ADIPOR2: variants seen among roughly 807,000 people sequenced by gnomAD.
The protein encoded by ADIPOR2 is adiponectin receptor 2.
Under a neutral mutation model 40.9 loss-of-function variants are expected in ADIPOR2, and 18 were observed. The observed-to-expected ratio is 0.44, with a 90% CI of 0.30 to 0.65. ADIPOR2 has a LOEUF of 0.65. Ranked by LOEUF, ADIPOR2 falls within the 30% of genes least tolerant of loss-of-function variation. The probability of loss-of-function intolerance (pLI) is 0.09; values close to 1 mark genes in which losing one functional copy is unlikely to be tolerated. For missense variants in ADIPOR2, 283 were observed against 479.2 expected (o/e 0.59, Z 3.82); for synonymous variants, 165 against 166.4 (o/e 0.99, Z 0.06).
intron 1 of ADIPOR2, among the ~76,000 whole-genome samples, chr12:1,698,206 TTGTGTGTGTGTG>T (rs35927419): frequency 7.4e-5 from 11 of 148,212 alleles, no homozygotes; most frequent in South Asian, 2.2e-4. Context: ...TCTTGGCTGA[TTGTGTGTGTGTG>T]TGTGTGTGTG....
intron 1 of ADIPOR2, among the ~76,000 whole-genome samples, chr12:1,722,222 A>G (rs933945219): frequency 1.3e-5 from 2 of 152,204 alleles, no homozygotes; most frequent in East Asian, 1.9e-4. Context: ...GATTGAATCA[A>G]CAGGACTTGC....
At chr12:1,709,735 C>T (rs1456359530) in intron 1 of ADIPOR2, among the ~76,000 whole-genome samples, 1 of 151,962 alleles carries the variant, frequency 6.6e-6, no homozygotes, top group Non-Finnish European at 1.5e-5. Context: ...GTAAAATATT[C>T]AATTTTATAT....
At chr12:1,758,298 C>G (rs1405146530) in intron 2 of ADIPOR2, among the ~76,000 whole-genome samples, 2 of 152,076 alleles carry the variant, frequency 1.3e-5, no homozygotes, top group Admixed American at 1.3e-4. Flanking sequence ...TGAGCTAATG[C>G]AAAAGTTAGC....
chr12:1,732,599 T>C (rs938655426), intron 1 of ADIPOR2, among the ~76,000 whole-genome samples: 2 of 152,252 alleles, frequency 1.3e-5, no homozygotes, highest in South Asian at 4.1e-4. Context: ...TTGGCAGTTA[T>C]GAATAAAGCT....
intron 2 of ADIPOR2, 41 bp downstream of exon 2, chr12:1,754,555 T>G (rs919679295): frequency 7.1e-6 from 11 of 1,559,736 alleles, no homozygotes; most frequent in Non-Finnish European, 9.6e-6. Flanking sequence ...GGAAAAAATG[T>G]GGAGGAAGTG....
chr12:1,752,401 G>T (rs996099796), intron 1 of ADIPOR2, among the ~76,000 whole-genome samples: 3 of 151,944 alleles, frequency 2.0e-5, no homozygotes, highest in African/African-American at 7.3e-5. Flanking sequence ...GCCTAGCCTA[G>T]TGTGGTGATA....
rs571395703 is a variant in ADIPOR2, at chr12:1,725,207, C to T, written c.-86-29051C>T. On this transcript the variant is annotated intron_variant, in intron 1 of 7. Coordinates refer to ENST00000357103, the MANE Select transcript of ADIPOR2 (RefSeq NM_024551.3). ...CGCGATCTTGGCTCACTGCAGCCTC[C>T]GCCTCCTGGGTTCAAGTGATTCTCC... Among the ~76,000 whole-genome samples, 9 of 151,998 alleles carry T rather than the reference C, an allele frequency of 5.9e-5. No individual in the cohort carries two copies. The East Asian group carries it at 1.4e-3, about 23-fold the overall frequency.
At chr12:1,749,570 T>C (rs1389222705) in intron 1 of ADIPOR2, among the ~76,000 whole-genome samples, 2 of 152,224 alleles carry the variant, frequency 1.3e-5, no homozygotes. Context: ...TCTGTTACTC[T>C]ATGTGTGTAT....
intron 1 of ADIPOR2, among the ~76,000 whole-genome samples, chr12:1,706,347 A>G (rs2094662486): frequency 6.6e-6 from 1 of 152,202 alleles, no homozygotes; most frequent in Non-Finnish European, 1.5e-5. Context: ...TTTTATGGTA[A>G]TAAGCAATAT....
intron 1 of ADIPOR2, among the ~76,000 whole-genome samples, chr12:1,728,684 A>G (rs534876147): frequency 6.6e-6 from 1 of 152,134 alleles, no homozygotes; most frequent in East Asian, 2.0e-4. Context: ...AGATGGCGCC[A>G]TTGCACTCTA....
At chr12:1,777,371 ATTTTTTCTTTCTT>A (rs996627841) in intron 3 of ADIPOR2, among the ~76,000 whole-genome samples, 4 of 111,786 alleles carry the variant, frequency 3.6e-5, no homozygotes, top group Non-Finnish European at 3.8e-5. Context: ...TTAAAAGTAT[ATTTTTTCTTTCTT>A]TTTTTTTTTT....
chr12:1,742,309 T>C (rs1432268750), intron 1 of ADIPOR2, among the ~76,000 whole-genome samples: 2 of 152,204 alleles, frequency 1.3e-5, no homozygotes, highest in African/African-American at 4.8e-5. Flanking sequence ...CCCAGGCTGG[T>C]CTTGAACTCC....
chr12:1,779,200 C>G (rs1257553546), intron 4 of ADIPOR2, among the ~76,000 whole-genome samples: 1 of 152,132 alleles, frequency 6.6e-6, no homozygotes, highest in Non-Finnish European at 1.5e-5. Context: ...AAAACATGTT[C>G]ACATAAAAAC....
At chr12:1,779,452 A>C (rs1862669578) in intron 4 of ADIPOR2, among the ~76,000 whole-genome samples, 1 of 152,228 alleles carries the variant, frequency 6.6e-6, no homozygotes, top group Admixed American at 6.5e-5. Context: ...TACATGCATG[A>C]AATGTCCAGA....
At chr12:1,693,025 C>T (rs963928470) in intron 1 of ADIPOR2, among the ~76,000 whole-genome samples, 1 of 152,030 alleles carries the variant, frequency 6.6e-6, no homozygotes, top group African/African-American at 2.4e-5. Context: ...TGTGGTGGCG[C>T]ACTCTTGTTA....
At chr12:1,721,859 A>G (rs913657721) in intron 1 of ADIPOR2, among the ~76,000 whole-genome samples, 1 of 152,192 alleles carries the variant, frequency 6.6e-6, no homozygotes, top group Non-Finnish European at 1.5e-5. Flanking sequence ...CTCTTGGAGT[A>G]TTTAAGGAGC....
chr12:1,722,668 A>T (rs369135401), intron 1 of ADIPOR2, among the ~76,000 whole-genome samples: 11 of 152,356 alleles, frequency 7.2e-5, no homozygotes, highest in African/African-American at 2.6e-4. Flanking sequence ...TGTGACCACA[A>T]GTAAGGCCCA....
intron 1 of ADIPOR2, among the ~76,000 whole-genome samples, chr12:1,749,835 T>TA (rs1338934533): frequency 1.4e-5 from 1 of 73,766 alleles, no homozygotes; most frequent in African/African-American, 3.7e-5. Flanking sequence ...TTGTTTAGTT[T>TA]TTTTTTTTTT....
chr12:1,713,547 T>A (rs902643527), intron 1 of ADIPOR2, among the ~76,000 whole-genome samples: 3 of 152,078 alleles, frequency 2.0e-5, no homozygotes, highest in Non-Finnish European at 2.9e-5. Flanking sequence ...CCTTCTGAAT[T>A]GTCCTTCCAA....
Sources: gnomAD v4.1 joint callset for allele counts (sites outside exome capture counted in the v4.1 genomes callset) on GRCh38, gnomAD v4.1.1 for gene constraint, MANE v1.5 for transcripts, NCBI Gene and HGNC (gene_info 2026-07-23, HGNC 2026-07-21) for gene names.